Variants in OCM observed in about 807,000 individuals in gnomAD.
OCM encodes the protein oncomodulin, also known as oncomodulin-1.
A neutral mutation model predicts 14.1 loss-of-function variants in OCM; 18 were observed. The ratio of observed to expected loss-of-function variants is 1.28; its 90% CI spans 0.88 to 1.89. The LOEUF is 1.89. Among genes scored for constraint, OCM ranks in the 40% most tolerant of loss-of-function variants. OCM has a pLI of 0.00. For synonymous variants in OCM, 48 were observed against 51.0 expected (o/e 0.94, Z 0.25); for missense variants, 140 against 137.6 (o/e 1.02, Z -0.09).
chr7:5,860,542 CGTATATATACGT>C, the OCM span, among the ~76,000 whole-genome samples: 28 of 94,562 alleles, frequency 3.0e-4, 6 homozygotes, highest in South Asian at 6.7e-3. Flanking sequence ...ATATATATTA[CGTATATATACGT>C]GTATATATAC....
rs765418445 is a variant in OCM, at chr7:5,883,916, G to C, written c.221G>C (p.Gly74Ala). ...TTTTTCCTCCAGAAGTTTGAGAGTG[G>C]TGCCAGAGAACTGACCGAGTCAGAA... ...LKFFLQKFES[G>A]ARELTESETK... Residue 74 changes from glycine to alanine, a missense_variant, in exon 3 of 4, where the codon GGT becomes GCT. Transcript: ENST00000242104. The C allele has an allele frequency of 8.1e-6, 13 of 1,612,716 alleles. No individual in the cohort carries two copies. The African/African-American group carries it at 1.7e-4, about 22-fold the overall frequency.
chr7:5,882,767 T>C (rs1781247097), intron 2 of OCM, 142 bp downstream of exon 2: 3 of 949,598 alleles, frequency 3.2e-6, no homozygotes, highest in Non-Finnish European at 3.1e-6. Context: ...GCAAAGGACA[T>C]GAGTCAGTTG....
At chr7:5,884,062 G>A in intron 3 of OCM, 63 bp downstream of exon 3, 1 of 1,595,528 alleles carries the variant, frequency 6.3e-7, no homozygotes. Context: ...TGAGGGCTTG[G>A]GCTGTGAGAT....
chr7:5,878,878 A>T (rs1362230161), upstream of OCM, among the ~76,000 whole-genome samples: 1 of 67,160 alleles, frequency 1.5e-5, no homozygotes, highest in Non-Finnish European at 2.9e-5. Flanking sequence ...TGAAAGTTAA[A>T]AAAAAAAAAA....
At chr7:5,862,710 T>A in the OCM span, among the ~76,000 whole-genome samples, 1 of 152,174 alleles carries the variant, frequency 6.6e-6, no homozygotes, top group Non-Finnish European at 1.5e-5. Context: ...GTGGATTCAC[T>A]GGGCTTAGGA....
chr7:5,872,631 G>A, the OCM span, among the ~76,000 whole-genome samples: 1 of 152,126 alleles, frequency 6.6e-6, no homozygotes, highest in Non-Finnish European at 1.5e-5. Context: ...GATAAAAATG[G>A]ATGATGGGGC....
At chr7:5,874,089 T>G in the OCM span, among the ~76,000 whole-genome samples, 2 of 150,300 alleles carry the variant, frequency 1.3e-5, no homozygotes, top group Non-Finnish European at 1.5e-5. Flanking sequence ...CCAGTCATGG[T>G]GGTGGGCACC....
intron 2 of OCM, among the ~76,000 whole-genome samples, chr7:5,883,218 G>A (rs1489618734): frequency 6.6e-6 from 1 of 152,172 alleles, no homozygotes; most frequent in African/African-American, 2.4e-5. Flanking sequence ...AAGCGCAGTG[G>A]CTCACGCCTG....
upstream of OCM, among the ~76,000 whole-genome samples, chr7:5,879,649 C>T (rs34576876): frequency 8.7e-5 from 13 of 149,142 alleles, no homozygotes; most frequent in Non-Finnish European, 1.9e-4. Context: ...CAACAGGGTT[C>T]GTTTGCAGAA....
the OCM span, among the ~76,000 whole-genome samples, chr7:5,860,382 C>A: frequency 1.1e-4 from 15 of 139,434 alleles, no homozygotes; most frequent in African/African-American, 3.6e-4. Flanking sequence ...ATATATATAT[C>A]ATTAGGTATA....
chr7:5,876,348 G>A (rs571619021), upstream of OCM, among the ~76,000 whole-genome samples: 1 of 152,070 alleles, frequency 6.6e-6, no homozygotes, highest in South Asian at 2.1e-4. Context: ...ACAGGGCCTT[G>A]TCATGTTGTC....
At position 5,882,621 on chromosome 7, in the gene OCM, C is replaced by G; in HGVS notation, c.190C>G (p.Leu64Val). Residue 64 changes from leucine (L) to valine (V), a missense_variant, in exon 2 of 4, where the codon CTT (leucine) becomes GTT (valine). Leu to Val is a conservative substitution (Grantham distance 32). Transcript: ENST00000242104. ...DQSGYLDEEE[L>V]KFFLQKFESG... ...GAGCGGGTACCTGGATGAAGAAGAG[C>G]TTAAGTAAGCTTTGTCCTGAGTCTG... The G allele has an allele frequency of 6.2e-7, 1 of 1,614,030 alleles. No individual in the cohort carries two copies. Among genetic ancestry groups the G allele is most frequent in the East Asian group, 2.2e-5 (1 of 44,872 alleles).
chr7:5,881,031 C>G, intron 1 of OCM, 81 bp downstream of exon 1: 1 of 1,430,624 alleles, frequency 7.0e-7, no homozygotes, highest in Non-Finnish European at 9.8e-7. Flanking sequence ...AAAATGTAGG[C>G]CAGGCGGCCA....
At chr7:5,874,044 C>T in the OCM span, among the ~76,000 whole-genome samples, 5 of 139,496 alleles carry the variant, frequency 3.6e-5, no homozygotes, top group African/African-American at 1.4e-4. Flanking sequence ...GGTGAAACCC[C>T]ATCTCTACTA....
At chr7:5,878,907 G>A (rs1483634535), upstream of OCM, among the ~76,000 whole-genome samples, 5 of 143,540 alleles carry the variant, frequency 3.5e-5, no homozygotes, top group East Asian at 2.2e-4. Flanking sequence ...AAAGCCAGGC[G>A]CAGTGGTTCA....
chr7:5,880,513 C>CTT (rs1251376640), upstream of OCM, among the ~76,000 whole-genome samples: 1 of 152,134 alleles, frequency 6.6e-6, no homozygotes, highest in Non-Finnish European at 1.5e-5. Flanking sequence ...CATCCCAGCA[C>CTT]TTTGTGAGGC....
the OCM span, among the ~76,000 whole-genome samples, chr7:5,861,343 C>T: frequency 1.4e-4 from 21 of 151,894 alleles, no homozygotes; most frequent in African/African-American, 4.6e-4. Context: ...ATGGCTTGAA[C>T]CCAGGAGGCG....
At chr7:5,872,179 C>G in the OCM span, 1 of 152,208 alleles carries the variant, frequency 6.6e-6, no homozygotes, top group African/African-American at 2.4e-5. Flanking sequence ...CGTGGGTAAT[C>G]AAAGCTGTAA....
the OCM span, among the ~76,000 whole-genome samples, chr7:5,860,399 T>C: frequency 6.9e-6 from 1 of 145,494 alleles, no homozygotes; most frequent in East Asian, 2.0e-4. Context: ...TATATATACG[T>C]GTATATATAC....
Sources: allele counts gnomAD v4.1 joint callset (sites outside exome capture counted in the v4.1 genomes callset), GRCh38; gene constraint gnomAD v4.1.1; transcripts MANE v1.5; gene names NCBI Gene and HGNC (gene_info 2026-07-23, HGNC 2026-07-21).